The following TLK2 variants were observed in gnomAD, a reference collection of about 807,000 sequenced individuals.
TLK2 encodes the protein serine/threonine-protein kinase tousled-like 2.
A neutral mutation model predicts 117.3 loss-of-function variants in TLK2; 6 were observed. The observed-to-expected ratio is 0.05, with a 90% confidence interval of 0.03 to 0.10. TLK2 has a LOEUF of 0.10. Ranked by LOEUF, TLK2 falls within the 10% of genes least tolerant of loss-of-function variation. The probability of loss-of-function intolerance (pLI) is 1.00; values close to 1 mark genes in which losing one functional copy is unlikely to be tolerated. For synonymous variants in TLK2, 257 were observed against 316.7 expected (o/e 0.81, Z 2.00); for missense variants, 299 against 901.2 (o/e 0.33, Z 8.56).
At chr17:62,570,192 G>T (rs1042741541) in intron 11 of TLK2, among the ~76,000 whole-genome samples, 1 of 152,070 alleles carries the variant, frequency 6.6e-6, no homozygotes, top group Non-Finnish European at 1.5e-5. Context: ...AGGTACTAAC[G>T]ACTTTAACAC....
chr17:62,563,532 G>A (rs1192170204), intron 10 of TLK2, among the ~76,000 whole-genome samples: 4 of 152,188 alleles, frequency 2.6e-5, no homozygotes, highest in Admixed American at 1.3e-4. Flanking sequence ...GGAAAAATGT[G>A]TTCTGGGCAT....
intron 2 of TLK2, among the ~76,000 whole-genome samples, chr17:62,502,634 T>G (rs2258252): frequency 6.6e-6 from 1 of 152,118 alleles, no homozygotes; most frequent in African/African-American, 2.4e-5. Flanking sequence ...ACACATAGCC[T>G]TAAGCAAGCT....
intron 2 of TLK2, among the ~76,000 whole-genome samples, chr17:62,514,151 T>C (rs2075375681): frequency 6.6e-6 from 1 of 151,984 alleles, no homozygotes; most frequent in African/African-American, 2.4e-5. Context: ...AATAATAATT[T>C]TTTTTTTTTT....
At chr17:62,589,853 C>T (rs2081940692) in intron 16 of TLK2, among the ~76,000 whole-genome samples, 1 of 151,882 alleles carries the variant, frequency 6.6e-6, no homozygotes. Context: ...GTTGCCCAGA[C>T]TGGAGTGCAG....
intron 7 of TLK2, among the ~76,000 whole-genome samples, chr17:62,548,642 G>A (rs918942372): frequency 1.3e-5 from 2 of 151,920 alleles, no homozygotes; most frequent in Non-Finnish European, 2.9e-5. Context: ...TCAGTTTGCT[G>A]GAAGAAAACT....
At chr17:62,580,348 T>A (rs1040608444) in intron 15 of TLK2, among the ~76,000 whole-genome samples, 156 bp downstream of exon 15, 2 of 152,042 alleles carry the variant, frequency 1.3e-5, no homozygotes, top group Non-Finnish European at 1.5e-5. Context: ...CAGCTTTCAA[T>A]AAACCTAAGT....
At position 62,536,248 on chromosome 17, in the gene TLK2, A is replaced by G; in HGVS notation, c.442A>G (p.Thr148Ala). ...AACGGAGGAGCAGTCTGCTCTGCCA[A>G]CCCTCATGTCAGTGATGCTAGCAAA... ...EATEEQSALP[T>A]LMSVMLAKPR... The change falls in exon 7 of 22, where the codon ACC becomes GCC. Residue 148 changes from threonine (T) to alanine (A), a missense_variant. Coordinates refer to ENST00000346027, the MANE Select transcript of TLK2 (RefSeq NM_006852.6). The G allele has an allele frequency of 3.1e-6, 5 of 1,613,364 alleles. No homozygotes were observed. The highest frequency in any genetic ancestry group is 1.1e-5 in the South Asian group (1 of 91,040).
rs141230906 is a variant in TLK2 at position 62,596,718 on chromosome 17, T to C, written c.1550+44T>C. ...TACCTTAACAGTTATATTATTTTCTTGCAATGCTGATTGTTCATGGAATAG... is the reference window on the plus strand; with the variant it reads ...TACCTTAACAGTTATATTATTTTCTCGCAATGCTGATTGTTCATGGAATAG... On this transcript the variant is annotated intron_variant, in intron 17 of 21. Transcript: ENST00000346027. 6.8e-5 allele frequency: 104 copies of C among 1,539,836 alleles called. No individual in the cohort carries two copies. The East Asian group carries it at 9.2e-4, about 14-fold the overall frequency.
At chr17:62,576,966 C>CTTTTTTTTTTTTTTTTTTTTTTTT (rs59523807) in intron 13 of TLK2, among the ~76,000 whole-genome samples, 191 bp downstream of exon 13, 3 of 115,950 alleles carry the variant, frequency 2.6e-5, no homozygotes, top group East Asian at 3.2e-4. Context: ...CTTTCTTCTT[C>CTTTTTTTTTTTTTTTTTTTTTTTT]TTTTTTTTTT....
rs749060845 is a variant in TLK2 at position 62,574,334 on chromosome 17, TTTTATGCTAGGCCCTCTTC to T, written c.1121+969_1121+987del. ...TTAGTAAGTTTATGTTAAATGCTTA[TTTTATGCTAGGCCCTCTTC>T]TGGGAATACAGAGCTAAAGGATACA... is the stretch of plus-strand genomic sequence containing the variant. On this transcript the variant is annotated intron_variant, in intron 12 of 21. Transcript: ENST00000346027. The T allele has an allele frequency of 3.9e-4, 597 of 1,542,250 alleles. 1 individual carries two copies. The highest frequency in any genetic ancestry group is 9.1e-4 in the Admixed American group (47 of 51,686).
At chr17:62,475,357 T>C (rs1183112619), upstream of TLK2, among the ~76,000 whole-genome samples, 1 of 152,078 alleles carries the variant, frequency 6.6e-6, no homozygotes, top group Admixed American at 6.6e-5. Flanking sequence ...TAATAATTAT[T>C]ATTTTAGAGA....
intron 6 of TLK2, among the ~76,000 whole-genome samples, chr17:62,531,138 T>C (rs1273989063): frequency 2.6e-5 from 4 of 152,226 alleles, no homozygotes; most frequent in Non-Finnish European, 4.4e-5. Flanking sequence ...TTTCATCCGT[T>C]CTGAATAATT....
chr17:62,551,335 T>G (rs139209994), intron 7 of TLK2, among the ~76,000 whole-genome samples: 1 of 152,364 alleles, frequency 6.6e-6, no homozygotes, highest in East Asian at 1.9e-4. Context: ...ATTCCATGAT[T>G]CTCAGAATAT....
chr17:62,521,112 A>G (rs541946048), intron 3 of TLK2, among the ~76,000 whole-genome samples: 24 of 152,234 alleles, frequency 1.6e-4, no homozygotes, highest in East Asian at 3.9e-4. Context: ...GTGAGCTGTG[A>G]TGGCACCACT....
At chr17:62,494,548 C>T (rs1296613819) in intron 2 of TLK2, among the ~76,000 whole-genome samples, 17 of 152,010 alleles carry the variant, frequency 1.1e-4, no homozygotes, top group Admixed American at 7.2e-4. Flanking sequence ...TGAGCCACTG[C>T]GTCTGGCCAA....
chr17:62,536,305 A>C lies in TLK2; in HGVS notation c.499A>C (p.Arg167=). The C allele has an allele frequency of 6.2e-7, 1 of 1,613,208 alleles. No individual in the cohort carries two copies. Among genetic ancestry groups the C allele is most frequent in the East Asian group, 2.2e-5 (1 of 44,846 alleles). ...GCTTGACACAGAGCAGCTGGCGCAA[A>C]GGGGAGCTGGCCTCTGCTTCACTTT... ...PRLDTEQLAQ[R]GAGLCFTFVS... The change falls in exon 7 of 22, where the codon AGG becomes CGG. Residue 167 remains arginine, a synonymous_variant. Transcript: ENST00000346027.
intron 17 of TLK2, among the ~76,000 whole-genome samples, chr17:62,597,509 C>T (rs144484920): frequency 6.6e-6 from 1 of 152,238 alleles, no homozygotes; most frequent in South Asian, 2.1e-4. Context: ...GTAGACTGTT[C>T]AAGAGAGTTT....
chr17:62,516,264 CTT>C (rs34931247), intron 2 of TLK2: 53,937 of 676,262 alleles, frequency 0.08, no homozygotes, highest in Middle Eastern at 0.098. Context: ...AGTTTTAGTT[CTT>C]TTTTTTTTTT....
At chr17:62,596,885 C>T (rs990768127) in intron 17 of TLK2, among the ~76,000 whole-genome samples, 2 of 152,218 alleles carry the variant, frequency 1.3e-5, no homozygotes, top group African/African-American at 4.8e-5. Flanking sequence ...AAATGTTTAA[C>T]AGCCAGCTTG....
Sources: allele counts gnomAD v4.1 joint callset (sites outside exome capture counted in the v4.1 genomes callset), GRCh38; gene constraint gnomAD v4.1.1; transcripts MANE v1.5; gene names NCBI Gene and HGNC (gene_info 2026-07-23, HGNC 2026-07-21).